DOCK2: variants seen among roughly 807,000 people sequenced by gnomAD.
DOCK2 encodes dedicator of cytokinesis protein 2.
In DOCK2, 87 loss-of-function variants were observed where a neutral mutation model predicts 248.9. That is an observed-to-expected ratio of 0.35 (90% CI 0.29 to 0.42). DOCK2 has a LOEUF of 0.42. Ranked by LOEUF, DOCK2 falls within the 10% of genes least tolerant of loss-of-function variation. DOCK2 has a pLI of 1.00. For synonymous variants in DOCK2, 805 were observed against 821.6 expected (o/e 0.98, Z 0.35); for missense variants, 1,747 against 2,300.2 (o/e 0.76, Z 4.92).
At chr5:170,015,567 T>TTTTTTG (rs113103035) in intron 32 of DOCK2, among the ~76,000 whole-genome samples, 6 of 150,960 alleles carry the variant, frequency 4.0e-5, no homozygotes, top group Admixed American at 2.0e-4. Flanking sequence ...TTTAGGTTTT[T>TTTTTTG]TTTGTTTGTT....
intron 27 of DOCK2, among the ~76,000 whole-genome samples, chr5:169,939,997 A>G (rs1278657431): frequency 6.6e-6 from 1 of 152,214 alleles, no homozygotes; most frequent in African/African-American, 2.4e-5. Flanking sequence ...GTCATCTTTC[A>G]GATCTTACCT....
intron 29 of DOCK2, among the ~76,000 whole-genome samples, chr5:169,988,815 G>A (rs1284184712): frequency 3.9e-5 from 6 of 152,172 alleles, no homozygotes; most frequent in Non-Finnish European, 8.8e-5. Context: ...CCAGAGAGGT[G>A]AAATGACTCT....
intron 5 of DOCK2, among the ~76,000 whole-genome samples, chr5:169,672,378 G>C: frequency 6.6e-6 from 1 of 152,250 alleles, no homozygotes; most frequent in South Asian, 2.1e-4. Flanking sequence ...GGAAATCTTT[G>C]AATAGCAGTA....
At chr5:170,015,562 G>T (rs1279547172) in intron 32 of DOCK2, among the ~76,000 whole-genome samples, 1 of 120,584 alleles carries the variant, frequency 8.3e-6, no homozygotes, top group Non-Finnish European at 1.7e-5. Context: ...CTGATTTTAG[G>T]TTTTTTTTGT....
Position 169,873,325 on chromosome 5 carries a change from C to A in DOCK2, c.2799+32473C>A, listed in dbSNP as rs181097826. On this transcript the variant is annotated intron_variant, in intron 27 of 51. Transcript: ENST00000520908. ...TTACCTTTTACATTTTACATGTACC[C>A]CAAACTTCATAGCTGTTTCCCAAAG... Among the ~76,000 whole-genome samples, 15 of 152,276 alleles carry A rather than the reference C, an allele frequency of 9.9e-5. No individual in the cohort carries two copies. In the East Asian group the frequency reaches 2.9e-3, roughly 29 times the overall value.
At position 169,674,280 on chromosome 5, in the gene DOCK2, T is replaced by G; in HGVS notation, c.322-17T>G. ...CCCTTTAACACAGGTAATTATGGGT[T>G]GTTTCTTGTCTCCTAGGCCAGCAAA... On this transcript the variant is annotated splice_polypyrimidine_tract_variant and intron_variant, in intron 5 of 51. Coordinates refer to ENST00000520908, the MANE Select transcript of DOCK2 (RefSeq NM_004946.3). 6.2e-7 allele frequency: 1 copy of G among 1,613,350 alleles called. No homozygotes were observed. Among genetic ancestry groups the G allele is most frequent in the South Asian group, 1.1e-5 (1 of 90,980 alleles).
intron 40 of DOCK2, among the ~76,000 whole-genome samples, 171 bp downstream of exon 40, chr5:170,047,785 C>T (rs111679514): frequency 1.9e-3 from 284 of 152,292 alleles, no homozygotes; most frequent in African/African-American, 6.1e-3. Context: ...ATCATAATCA[C>T]CAGCATTTCT....
In DOCK2 at chr5:169,788,325, G is replaced by A. The variant is rs540478466; in HGVS notation, c.2555-14733G>A. 5.3e-5 allele frequency among the ~76,000 whole-genome samples: 8 copies of A among 150,620 alleles called. No individual in the cohort carries two copies. The East Asian group carries it at 5.8e-4, about 11-fold the overall frequency. On this transcript the variant is annotated intron_variant, in intron 25 of 51. Transcript: ENST00000520908. ...AAGTGCCATGGAGGGACAAGCACAC[G>A]CTCATGAAACCTCCTCCCTTTATTT... is the stretch of plus-strand genomic sequence containing the variant.
chr5:169,929,562 C>T (rs1020010461), intron 27 of DOCK2, among the ~76,000 whole-genome samples: 3 of 151,764 alleles, frequency 2.0e-5, no homozygotes, highest in Non-Finnish European at 4.4e-5. Context: ...CATGATGAAA[C>T]CTTGTCTCTA....
chr5:169,782,503 T>A (rs958307474), intron 25 of DOCK2, among the ~76,000 whole-genome samples: 1 of 129,972 alleles, frequency 7.7e-6, no homozygotes, highest in Non-Finnish European at 1.5e-5. Context: ...CTCCTTAGTT[T>A]TTTTTTTTTT....
At chr5:170,006,832 G>A (rs957833158) in intron 30 of DOCK2, among the ~76,000 whole-genome samples, 1 of 152,174 alleles carries the variant, frequency 6.6e-6, no homozygotes, top group African/African-American at 2.4e-5. Context: ...AATACTGACC[G>A]TGGTGTGTTA....
At chr5:169,670,518 T>A (rs1758992509) in intron 3 of DOCK2, 24 bp from the exon 4 acceptor site, 1 of 1,610,786 alleles carries the variant, frequency 6.2e-7, no homozygotes, top group Non-Finnish European at 8.5e-7. Context: ...TTTATTTTGT[T>A]TTGTTTTGTT....
At chr5:169,658,479 CAAAAAA>C (rs5873187) in intron 2 of DOCK2, among the ~76,000 whole-genome samples, 1 of 76,058 alleles carries the variant, frequency 1.3e-5, no homozygotes, top group Non-Finnish European at 2.4e-5. Context: ...GCCTCCGTCT[CAAAAAA>C]AAAAAAAAAA....
intron 27 of DOCK2, among the ~76,000 whole-genome samples, chr5:169,975,952 A>G (rs1777704161): frequency 6.6e-6 from 1 of 152,200 alleles, no homozygotes; most frequent in Non-Finnish European, 1.5e-5. Flanking sequence ...CTGGATTGCT[A>G]GAATATAATT....
chr5:169,637,352 A>C lies in DOCK2; in HGVS notation c.26A>C (p.Lys9Thr), dbSNP rs1383072441. 16 of 1,433,392 alleles carry C rather than the reference A, an allele frequency of 1.1e-5. No individual in the cohort carries two copies. The highest frequency in any genetic ancestry group is 1.4e-5 in the Non-Finnish European group (15 of 1,094,626). 88.8% of individuals were successfully genotyped at this position (1,433,392 alleles called of 1,614,324 possible). ...ATGGCCCCCTGGCGCAAAGCTGACAAGGAGCGGCACGGCGTGGGTAGGTGC... is the reference window on the plus strand; with the variant it reads ...ATGGCCCCCTGGCGCAAAGCTGACACGGAGCGGCACGGCGTGGGTAGGTGC... MAPWRKAD[K>T]ERHGVAIYNF... Residue 9 changes from lysine (K) to threonine (T), a missense_variant, in exon 1 of 52, where the codon AAG becomes ACG. Physicochemically the swap from Lys to Thr is moderately conservative, Grantham distance 78 (BLOSUM62 -1). Transcript: ENST00000520908.
chr5:169,664,449 C>T (rs973086141), intron 2 of DOCK2, among the ~76,000 whole-genome samples: 1 of 152,216 alleles, frequency 6.6e-6, no homozygotes, highest in Admixed American at 6.5e-5. Flanking sequence ...TTATAGCAGT[C>T]CCCGACTTCT....
intron 27 of DOCK2, among the ~76,000 whole-genome samples, chr5:169,866,375 G>T (rs11134594): frequency 5.3e-5 from 8 of 152,080 alleles, no homozygotes; most frequent in African/African-American, 1.9e-4. Context: ...TGAGATCTTG[G>T]GGAAGTCATT....
intron 22 of DOCK2, among the ~76,000 whole-genome samples, chr5:169,739,999 A>G (rs1476756692): frequency 2.0e-5 from 3 of 152,250 alleles, no homozygotes; most frequent in Admixed American, 2.0e-4. Flanking sequence ...TTGGGGGGAA[A>G]AACCCTAAAT....
chr5:169,867,407 C>CTCTGTCTGTCTG (rs56110833), intron 27 of DOCK2, among the ~76,000 whole-genome samples: 1 of 149,076 alleles, frequency 6.7e-6, no homozygotes. Context: ...GTGAAAACCT[C>CTCTGTCTGTCTG]TCTGTCTGTC....
Sources: allele counts gnomAD v4.1 joint callset (sites outside exome capture counted in the v4.1 genomes callset), GRCh38; gene constraint gnomAD v4.1.1; transcripts MANE v1.5; gene names NCBI Gene and HGNC (gene_info 2026-07-23, HGNC 2026-07-21).